PDCD7: variants seen among roughly 807,000 people sequenced by gnomAD.
PDCD7 encodes programmed cell death protein 7.
PDCD7 carries 40 observed loss-of-function variants against 42.1 expected under a neutral mutation model. The ratio of observed to expected loss-of-function variants is 0.95; its 90% CI spans 0.74 to 1.24. The LOEUF is 1.24. PDCD7 is among the 50% of genes most tolerant of loss of function. PDCD7 has a pLI of 0.00. For missense variants in PDCD7, 644 were observed against 662.8 expected (o/e 0.97, Z 0.31); for synonymous variants, 299 against 303.3 (o/e 0.99, Z 0.15).
intron 2 of PDCD7, 80 bp downstream of exon 2, chr15:65,128,952 C>G: frequency 6.7e-7 from 1 of 1,485,054 alleles, no homozygotes. Flanking sequence ...AGTATTTTTC[C>G]CTCAATAATA....
intron 2 of PDCD7, among the ~76,000 whole-genome samples, chr15:65,123,540 G>C (rs1197642164): frequency 6.6e-6 from 1 of 152,202 alleles, no homozygotes; most frequent in Non-Finnish European, 1.5e-5. Context: ...AATAGTGCCA[G>C]CTTTGAGCAC....
At chr15:65,128,035 G>C (rs1488422649) in intron 2 of PDCD7, among the ~76,000 whole-genome samples, 1 of 152,214 alleles carries the variant, frequency 6.6e-6, no homozygotes, top group East Asian at 1.9e-4. Flanking sequence ...CAATCACTTA[G>C]CTAGCAAACG....
At chr15:65,121,135 A>G (rs906895247) in intron 2 of PDCD7, among the ~76,000 whole-genome samples, 1 of 149,382 alleles carries the variant, frequency 6.7e-6, no homozygotes, top group African/African-American at 2.5e-5. Flanking sequence ...AGCTCACTGC[A>G]AACTCCACGC....
At position 65,118,827 on chromosome 15, in the gene PDCD7, G is replaced by A; in HGVS notation, c.1348C>T (p.Gln450Ter). 1 of 1,595,164 alleles carries A rather than the reference G, an allele frequency of 6.3e-7. No individual in the cohort carries two copies. Among genetic ancestry groups the A allele is most frequent in the African/African-American group, 1.3e-5 (1 of 74,116 alleles). ...GGATGATCGGATGGCACCAGGTACT[G>A]ATCCCAATCATGCCTTAATAAGAAC... ...ALIQIRHDWDQYLVPSDHPKG... is the reference protein window; with the variant it reads ...ALIQIRHDWD Residue 450 changes from glutamine to a stop codon, truncating the protein, a stop_gained, in exon 5 of 5, where the codon CAG becomes TAG. Coordinates refer to ENST00000204549, the MANE Select transcript of PDCD7 (RefSeq NM_005707.2). LOFTEE classifies it high-confidence loss of function.
Position 65,133,122 on chromosome 15 carries a change from G to C in PDCD7, c.660C>G (p.Ala220=), listed in dbSNP as rs1415180351. 2.6e-6 allele frequency: 4 copies of C among 1,542,016 alleles called. No homozygotes were observed. The South Asian group carries it at 3.5e-5, about 14-fold the overall frequency. The change falls in exon 1 of 5, where the codon GCC becomes GCG. Residue 220 remains alanine, a synonymous_variant. Transcript: ENST00000204549. The part of the protein sequence containing the change: ...SQTAPLRAEL[A]ERLQPLTQAA... ...CCTGGGTCAACGGCTGTAGCCGCTC[G>C]GCCAGTTCCGCGCGCAGCGGCGCGG...
intron 1 of PDCD7, among the ~76,000 whole-genome samples, chr15:65,132,629 G>A (rs1042445990): frequency 6.6e-6 from 1 of 152,180 alleles, no homozygotes; most frequent in Non-Finnish European, 1.5e-5. Context: ...AGAGTAAGTG[G>A]ACAATGTTGG....
chr15:65,133,578 C>T lies in PDCD7; in HGVS notation c.204G>A (p.Ala68=). The T allele has an allele frequency of 8.1e-7, 1 of 1,231,704 alleles. No individual in the cohort carries two copies. The allele number at this position is 1,231,704 out of a possible 1,614,324, so 76.3% of individuals were successfully genotyped here. Residue 68 remains alanine (A), a synonymous_variant, in exon 1 of 5, where the codon GCG becomes GCA. Transcript: ENST00000204549. ...PPLALQPRAS[A]EASRGGGGAG... ...CGCCGCCTCCGCCGCGGGAGGCCTC[C>T]GCGGAGGCTCGGGGCTGCAGAGCCA...
intron 1 of PDCD7, among the ~76,000 whole-genome samples, chr15:65,130,220 C>T (rs545808516): frequency 3.5e-5 from 5 of 143,008 alleles, no homozygotes; most frequent in Non-Finnish European, 7.5e-5. Flanking sequence ...GGCAATGGCG[C>T]GATCTCGGCT....
Position 65,119,907 on chromosome 15 carries a change from G to A in PDCD7, c.1057C>T (p.Gln353Ter). 1 of 1,614,132 alleles carries A rather than the reference G, an allele frequency of 6.2e-7. No homozygotes were observed. Among genetic ancestry groups the A allele is most frequent in the Non-Finnish European group, 8.5e-7 (1 of 1,180,038 alleles). Residue 353 changes from glutamine (Q) to a stop codon, truncating the protein, a stop_gained, in exon 3 of 5, where the codon CAG becomes TAG. Transcript: ENST00000204549. LOFTEE classifies it high-confidence loss of function. The part of the protein sequence containing the change: ...SADETFTHHL[Q>*]RLRKLIKKRS... ...TTTTTAATGAGTTTTCTCAGTCGCT[G>A]AAGATGATGCGTAAAAGTCTCATCT...
Position 65,132,946 on chromosome 15 carries a change from A to T in PDCD7, c.836T>A (p.Val279Glu). 6.2e-7 allele frequency: 1 copy of T among 1,605,226 alleles called. No homozygotes were observed. The highest frequency in any genetic ancestry group is 2.2e-5 in the East Asian group (1 of 44,824). ...EREQEIDRWR[V>E]KCVQEVEEKK... ...CTCCTCCACCTCCTGCACACACTTC[A>T]CCCTCCAGCGGTCAATCTCCTGCTC... is the stretch of plus-strand genomic sequence containing the variant. Residue 279 changes from valine (V) to glutamate (E), a missense_variant, in exon 1 of 5, where the codon GTG becomes GAG. Physicochemically the swap from Val to Glu is moderately radical, Grantham distance 121. Transcript: ENST00000204549.
At chr15:65,131,579 T>C (rs956542770) in intron 1 of PDCD7, among the ~76,000 whole-genome samples, 3 of 152,028 alleles carry the variant, frequency 2.0e-5, no homozygotes, top group Non-Finnish European at 4.4e-5. Context: ...AGAAACCCTG[T>C]CTCTACTAAA....
At chr15:65,132,824 G>A in intron 1 of PDCD7, 88 bp downstream of exon 1, 2 of 1,565,086 alleles carry the variant, frequency 1.3e-6, no homozygotes, top group African/African-American at 1.3e-5. Context: ...CAGAGGCTTA[G>A]CCCTGGGAAA....
At chr15:65,120,004 A>T in intron 2 of PDCD7, 50 bp from the exon 3 acceptor site, 1 of 1,558,160 alleles carries the variant, frequency 6.4e-7, no homozygotes, top group Non-Finnish European at 8.7e-7. Flanking sequence ...TTTTTGAGAC[A>T]AGGCCTCGCT....
rs10570029 is a variant in PDCD7 at position 65,132,124 on chromosome 15, G to GTATATA, written c.870+782_870+787dup. The stretch of plus-strand genomic sequence containing the variant: ...TATGTGTATATATATGTATGTATGT[G>GTATATA]TATATATATATATATATATAGTAAA... On this transcript the variant is annotated intron_variant, in intron 1 of 4. Transcript: ENST00000204549. 3.1e-3 allele frequency among the ~76,000 whole-genome samples: 430 copies of GTATATA among 140,958 alleles called. 2 individuals are homozygous for GTATATA. Among genetic ancestry groups the GTATATA allele is most frequent in the African/African-American group, 0.01 (388 of 38,284 alleles). The allele number at this position is 140,958 out of a possible 152,430, so 92.5% of individuals were successfully genotyped here. A position where few individuals can be genotyped will look rare whatever the true frequency, so the allele number is the denominator to read the frequency against.
chr15:65,129,426 T>A (rs560466616), intron 1 of PDCD7, among the ~76,000 whole-genome samples: 1 of 152,336 alleles, frequency 6.6e-6, no homozygotes, highest in South Asian at 2.1e-4. Context: ...ACTGGTTTTG[T>A]TTCTTCCTCA....
At position 65,119,959 on chromosome 15, in the gene PDCD7, G is replaced by A; in HGVS notation, c.1010-5C>T. On this transcript the variant is annotated splice_polypyrimidine_tract_variant and splice_region_variant and intron_variant, in intron 2 of 4. Transcript: ENST00000204549. ...CTGAGGCTGGAGGACAGACCCCTGG[G>A]CAGACAGGACAAAATGGCATTTTAT... The A allele has an allele frequency of 1.3e-6, 2 of 1,596,092 alleles. No homozygotes were observed. The highest frequency in any genetic ancestry group is 1.7e-6 in the Non-Finnish European group (2 of 1,175,262).
Position 65,133,163 on chromosome 15 carries a change from G to C in PDCD7, c.619C>G (p.Leu207Val), listed in dbSNP as rs1369199154. The change falls in exon 1 of 5, where the codon CTG (leucine) becomes GTG (valine). Residue 207 changes from leucine to valine, a missense_variant. Physicochemically the swap from Leu to Val is conservative, Grantham distance 32 (BLOSUM62 1). Coordinates refer to ENST00000204549, the MANE Select transcript of PDCD7 (RefSeq NM_005707.2). The stretch of plus-strand genomic sequence containing the variant: ...AGCGGCGCGGTCTGGGAGTACAGCA[G>C]GACCCAGGCCGCGCCGTCGGCTTCG... ...EAEADGAAWV[L>V]LYSQTAPLRA... 7 of 1,485,638 alleles carry C rather than the reference G, an allele frequency of 4.7e-6. No individual in the cohort carries two copies. The highest frequency in any genetic ancestry group is 5.3e-6 in the Non-Finnish European group (6 of 1,127,548). The allele number at this position is 1,485,638 out of a possible 1,614,324, so 92.0% of individuals were successfully genotyped here.
chr15:65,119,496 T>C, intron 3 of PDCD7, 33 bp from the exon 4 acceptor site: 1 of 1,460,464 alleles, frequency 6.8e-7, no homozygotes, highest in South Asian at 1.1e-5. Context: ...CACGTTATCA[T>C]GCTTGATATC....
chr15:65,133,765 A>G lies in PDCD7; in HGVS notation c.17T>C (p.Phe6Ser). 7.4e-7 allele frequency: 1 copy of G among 1,346,006 alleles called. No homozygotes were observed. Among genetic ancestry groups the G allele is most frequent in the Non-Finnish European group, 9.6e-7 (1 of 1,046,444 alleles). The allele number at this position is 1,346,006 out of a possible 1,614,324, so 83.4% of individuals were successfully genotyped here. MALPP[F>S]FGQGRPGPPP... ...TGGGCCTGGGCGACCCTGGCCGAAG[A>G]ATGGTGGCAGGGCCATGTTCACGAC... Residue 6 changes from phenylalanine (F) to serine (S), a missense_variant, in exon 1 of 5, where the codon TTC becomes TCC. Transcript: ENST00000204549.
Sources: allele counts gnomAD v4.1 joint callset (sites outside exome capture counted in the v4.1 genomes callset), GRCh38; gene constraint gnomAD v4.1.1; transcripts MANE v1.5; gene names NCBI Gene and HGNC (gene_info 2026-07-23, HGNC 2026-07-21).